The following ATG10 variants were observed in gnomAD, a reference collection of about 807,000 sequenced individuals.
ATG10 encodes autophagy related 10, also known as ubiquitin-like-conjugating enzyme ATG10.
A neutral mutation model predicts 32.1 loss-of-function variants in ATG10; 30 were observed. That is an observed-to-expected ratio of 0.94 (90% CI 0.70 to 1.27). The LOEUF (loss-of-function observed/expected upper bound fraction) is 1.27, where lower values mean the gene tolerates loss of function less well. Among genes scored for constraint, ATG10 ranks in the 50% most tolerant of loss-of-function variants. The probability of loss-of-function intolerance (pLI) is 0.00; values close to 1 mark genes in which losing one functional copy is unlikely to be tolerated. For synonymous variants in ATG10, 87 were observed against 91.5 expected, an observed-to-expected ratio of 0.95 and a Z score of 0.28; for missense variants, 233 against 262.3, an observed-to-expected ratio of 0.89 and a Z score of 0.77.
At chr5:82,108,512 A>G (rs371046666) in intron 3 of ATG10, among the ~76,000 whole-genome samples, 1 of 152,086 alleles carries the variant, frequency 6.6e-6, no homozygotes, top group East Asian at 1.9e-4. Context: ...ATGTGTGTGT[A>G]TATATCCCTC....
chr5:82,186,797 G>A (rs1158321044), intron 5 of ATG10, among the ~76,000 whole-genome samples: 1 of 152,048 alleles, frequency 6.6e-6, no homozygotes, highest in Non-Finnish European at 1.5e-5. Flanking sequence ...AGCTTGGCTG[G>A]TCTTGAATTC....
intron 2 of ATG10, among the ~76,000 whole-genome samples, chr5:82,034,413 C>T (rs1330013973): frequency 1.3e-5 from 2 of 152,184 alleles, no homozygotes; most frequent in Non-Finnish European, 2.9e-5. Flanking sequence ...CATTGTACCA[C>T]CTTAGCGCAG....
chr5:82,183,525 G>A (rs1474655481), intron 5 of ATG10, among the ~76,000 whole-genome samples: 1 of 152,026 alleles, frequency 6.6e-6, no homozygotes, highest in Non-Finnish European at 1.5e-5. Context: ...CTTCATGGTT[G>A]CTTCTGGGTA....
chr5:82,248,375 C>T (rs1007789645), intron 5 of ATG10, among the ~76,000 whole-genome samples: 6 of 152,120 alleles, frequency 3.9e-5, no homozygotes, highest in Non-Finnish European at 5.9e-5. Flanking sequence ...TCAGGCCAGC[C>T]CCTCTGGCTA....
At chr5:82,059,854 G>A (rs1763713086) in intron 3 of ATG10, among the ~76,000 whole-genome samples, 1 of 152,090 alleles carries the variant, frequency 6.6e-6, no homozygotes, top group Non-Finnish European at 1.5e-5. Flanking sequence ...ATGGGTGCTT[G>A]AATCTTGATT....
At chr5:82,185,634 AAC>A (rs1304132847) in intron 5 of ATG10, among the ~76,000 whole-genome samples, 1 of 152,184 alleles carries the variant, frequency 6.6e-6, no homozygotes, top group Non-Finnish European at 1.5e-5. Flanking sequence ...AAAAAATAAA[AAC>A]ACAACAAAAA....
intron 5 of ATG10, among the ~76,000 whole-genome samples, chr5:82,224,443 G>A (rs1032222877): frequency 1.3e-5 from 2 of 152,158 alleles, no homozygotes; most frequent in Non-Finnish European, 2.9e-5. Flanking sequence ...GCCCCCAAAA[G>A]GTTCAGCTTT....
intron 2 of ATG10, among the ~76,000 whole-genome samples, chr5:82,014,277 A>G (rs1386124427): frequency 6.6e-6 from 1 of 152,122 alleles, no homozygotes; most frequent in African/African-American, 2.4e-5. Context: ...AATAAGTGCG[A>G]TGTGGTGCTG....
chr5:82,163,534 A>G (rs1743451872), intron 3 of ATG10, among the ~76,000 whole-genome samples: 1 of 152,212 alleles, frequency 6.6e-6, no homozygotes, highest in African/African-American at 2.4e-5. Flanking sequence ...AGAGGTAGAA[A>G]TGAGCTAAAC....
chr5:82,170,781 A>T (rs1743776353), intron 4 of ATG10, among the ~76,000 whole-genome samples: 1 of 152,010 alleles, frequency 6.6e-6, no homozygotes, highest in South Asian at 2.1e-4. Flanking sequence ...CCCCATCTCT[A>T]CTAAAATACA....
intron 3 of ATG10, among the ~76,000 whole-genome samples, chr5:82,107,644 T>A (rs1162165792): frequency 1.3e-5 from 2 of 152,136 alleles, no homozygotes; most frequent in Non-Finnish European, 2.9e-5. Flanking sequence ...CTTGAGGGGC[T>A]TTATTATGCA....
At position 82,002,922 on chromosome 5, in the gene ATG10, C is replaced by T. The variant is rs12109323; in HGVS notation, c.108+15244C>T. Among the ~76,000 whole-genome samples, 1,292 of 152,208 alleles carry T rather than the reference C, an allele frequency of 8.5e-3. 15 individuals carry two copies. Among genetic ancestry groups the T allele is most frequent in the African/African-American group, 0.029 (1,218 of 41,526 alleles). On this transcript the variant is annotated intron_variant, in intron 2 of 7. Transcript: ENST00000282185. ...CCTATACAACAAACCTGCTCTTGTA[C>T]CCCGAACCTAAAATAAAAGTTCAAA...
intron 5 of ATG10, among the ~76,000 whole-genome samples, chr5:82,193,374 A>G (rs903895851): frequency 1.3e-5 from 2 of 152,202 alleles, no homozygotes; most frequent in African/African-American, 2.4e-5. Context: ...TTTCTCTCCT[A>G]TCTCCATCCC....
At chr5:82,004,691 T>G (rs555786422) in intron 2 of ATG10, among the ~76,000 whole-genome samples, 13 of 152,332 alleles carry the variant, frequency 8.5e-5, no homozygotes, top group African/African-American at 3.1e-4. Flanking sequence ...AGGTCACGTG[T>G]GACTCACGGT....
Position 82,196,309 on chromosome 5 carries a change from A to C in ATG10, c.453+17722A>C, listed in dbSNP as rs867542277. Among the ~76,000 whole-genome samples the C allele has an allele frequency of 2.0e-5, 3 of 152,030 alleles. No individual in the cohort carries two copies. In the East Asian group the frequency reaches 5.8e-4, roughly 29 times the overall value. ...ACCCTTATTGACTATATGATTTGCA[A>C]ATTTTCTCCCATTCCATTGGTTGTC... On this transcript the variant is annotated intron_variant, in intron 5 of 7. Transcript: ENST00000282185.
At chr5:81,997,408 C>A (rs1200728105) in intron 2 of ATG10, among the ~76,000 whole-genome samples, 1 of 152,146 alleles carries the variant, frequency 6.6e-6, no homozygotes, top group Non-Finnish European at 1.5e-5. Flanking sequence ...CTAAAATCTT[C>A]CAGATTGAAG....
At chr5:82,241,121 T>G (rs1411153510) in intron 5 of ATG10, among the ~76,000 whole-genome samples, 1 of 152,186 alleles carries the variant, frequency 6.6e-6, no homozygotes, top group Non-Finnish European at 1.5e-5. Context: ...AGACAAATAG[T>G]CAAGAAAATG....
chr5:82,228,207 CA>C (rs760841707), intron 5 of ATG10, among the ~76,000 whole-genome samples: 5,103 of 104,584 alleles, frequency 0.049, 93 homozygotes, highest in Middle Eastern at 0.098. Flanking sequence ...GGGACCATCT[CA>C]AAAAAAAAAA....
chr5:81,993,370 T>TCCTTCCTTCC (rs771784374), intron 2 of ATG10, among the ~76,000 whole-genome samples: 5 of 32,394 alleles, frequency 1.5e-4, no homozygotes, highest in Non-Finnish European at 5.8e-5. Context: ...CTTCTTTTCT[T>TCCTTCCTTCC]TTCTTTTCTT....
Sources: gnomAD v4.1 joint callset for allele counts (sites outside exome capture counted in the v4.1 genomes callset) on GRCh38, gnomAD v4.1.1 for gene constraint, MANE v1.5 for transcripts, NCBI Gene and HGNC (gene_info 2026-07-23, HGNC 2026-07-21) for gene names.